Variants in RGS6 observed in about 807,000 individuals in gnomAD.
RGS6 encodes the protein regulator of G protein signaling 6, also known as regulator of G-protein signaling 6.
RGS6 carries 30 observed loss-of-function variants against 78.5 expected under a neutral mutation model. The ratio of observed to expected loss-of-function variants is 0.38; its 90% confidence interval spans 0.29 to 0.52. The LOEUF (loss-of-function observed/expected upper bound fraction) is 0.52. RGS6 is among the 20% of genes least tolerant of loss of function. The pLI, the probability that RGS6 is intolerant of heterozygous loss-of-function variation, is 0.85. For synonymous variants in RGS6, 206 were observed against 206.0 expected, an observed-to-expected ratio of 1.00 and a Z score of 0.00; for missense variants, 495 against 609.7, an observed-to-expected ratio of 0.81 and a Z score of 1.98.
chr14:72,559,316 A>C (rs191844052), intron 17 of RGS6, among the ~76,000 whole-genome samples: 1 of 152,338 alleles, frequency 6.6e-6, no homozygotes, highest in Non-Finnish European at 1.5e-5. Context: ...GATCACTGAA[A>C]ACTACAGGAG....
chr14:71,874,674 A>T, the RGS6 span, among the ~76,000 whole-genome samples: 1 of 152,150 alleles, frequency 6.6e-6, no homozygotes. Context: ...AACTTCCAAC[A>T]CTATGTTGAA....
chr14:72,244,755 T>C (rs1285274665), intron 2 of RGS6, among the ~76,000 whole-genome samples: 3 of 152,182 alleles, frequency 2.0e-5, no homozygotes, highest in South Asian at 2.1e-4. Context: ...ATGTATGCCA[T>C]TGGCCCCAGG....
At chr14:71,973,173 T>C (rs1378749259) in intron 2 of RGS6, among the ~76,000 whole-genome samples, 1 of 152,226 alleles carries the variant, frequency 6.6e-6, no homozygotes, top group African/African-American at 2.4e-5. Context: ...TTTTTTTAGA[T>C]CTAACATTCT....
intron 3 of RGS6, among the ~76,000 whole-genome samples, chr14:72,353,971 G>A (rs555078197): frequency 7.1e-6 from 1 of 139,932 alleles, no homozygotes; most frequent in East Asian, 2.0e-4. Flanking sequence ...GTAACAGAGC[G>A]AGACTCTGTC....
chr14:72,242,806 TTGATACAGTATTTTTCCAAC>T (rs2153827444), intron 2 of RGS6, among the ~76,000 whole-genome samples: 1 of 151,790 alleles, frequency 6.6e-6, no homozygotes, highest in East Asian at 1.9e-4. Context: ...AACATATCTC[TTGATACAGTATTTTTCCAAC>T]TTCATTTCTT....
In RGS6 at chr14:72,563,107, C is replaced by G. The variant is rs1253879030; in HGVS notation, c.*640C>G. On this transcript the variant is annotated 3_prime_UTR_variant, in exon 18 of 18. Transcript: ENST00000553525. ...AAGGTCTTTCCACCCTCTTTGAGAT[C>G]AGCGTTCGGAGAGGTCCCCGCCAGC... is the stretch of plus-strand genomic sequence containing the variant. 1.1e-5 allele frequency: 4 copies of G among 348,110 alleles called. No homozygotes were observed. Among genetic ancestry groups the G allele is most frequent in the Non-Finnish European group, 2.2e-5 (4 of 181,846 alleles). 21.6% of individuals were successfully genotyped at this position (348,110 alleles called of 1,614,324 possible).
chr14:72,007,480 C>T (rs920804018), intron 2 of RGS6, among the ~76,000 whole-genome samples: 4 of 152,156 alleles, frequency 2.6e-5, no homozygotes, highest in East Asian at 1.9e-4. Flanking sequence ...ACCCTTGGCC[C>T]GCCGGCTGCG....
At chr14:72,064,958 A>G (rs1245432459) in intron 2 of RGS6, among the ~76,000 whole-genome samples, 1 of 152,238 alleles carries the variant, frequency 6.6e-6, no homozygotes, top group Admixed American at 6.5e-5. Context: ...GAATCTTGTC[A>G]TTATATTTTG....
intron 2 of RGS6, among the ~76,000 whole-genome samples, chr14:72,315,988 C>T (rs2070073259): frequency 6.6e-6 from 1 of 152,202 alleles, no homozygotes; most frequent in Admixed American, 6.5e-5. Flanking sequence ...AGCCCAAATA[C>T]ACAGTTCTGT....
At chr14:72,385,150 T>A (rs796845520) in intron 3 of RGS6, among the ~76,000 whole-genome samples, 1 of 152,200 alleles carries the variant, frequency 6.6e-6, no homozygotes. Flanking sequence ...GTTTATAGGA[T>A]AATTTTCCAT....
At chr14:72,178,238 A>G (rs1004639145) in intron 2 of RGS6, among the ~76,000 whole-genome samples, 4 of 152,234 alleles carry the variant, frequency 2.6e-5, no homozygotes, top group African/African-American at 7.2e-5. Context: ...ATACTCTTCC[A>G]GACATTGCCT....
intron 2 of RGS6, among the ~76,000 whole-genome samples, chr14:72,318,773 A>G (rs1435679513): frequency 1.3e-5 from 2 of 152,196 alleles, no homozygotes; most frequent in Non-Finnish European, 2.9e-5. Context: ...GACTGGAAGT[A>G]GAAAACCTCC....
chr14:72,066,999 T>C lies in RGS6; in HGVS notation c.84+102124T>C, dbSNP rs140577890. Among the ~76,000 whole-genome samples the C allele has an allele frequency of 9.5e-3, 1,439 of 152,274 alleles. 37 individuals are homozygous for C. The East Asian group carries it at 0.11, about 12-fold the overall frequency. On this transcript the variant is annotated intron_variant, in intron 2 of 17. Coordinates refer to ENST00000553525, the MANE Select transcript of RGS6 (RefSeq NM_001204424.2). Reference sequence around the variant, plus strand: ...CTGCAAAGGACATGAACTCATTCTTTTTTATGGCTGCATAGTTTTCCATGG... The same window carrying C: ...CTGCAAAGGACATGAACTCATTCTTCTTTATGGCTGCATAGTTTTCCATGG...
intron 2 of RGS6, among the ~76,000 whole-genome samples, chr14:72,124,119 C>T (rs2096126905): frequency 6.6e-6 from 1 of 152,226 alleles, no homozygotes; most frequent in Non-Finnish European, 1.5e-5. Flanking sequence ...AGCAGAGGCA[C>T]AGAATGCTGT....
At chr14:72,529,818 C>G (rs1271810576) in intron 15 of RGS6, among the ~76,000 whole-genome samples, 1 of 152,224 alleles carries the variant, frequency 6.6e-6, no homozygotes, top group Non-Finnish European at 1.5e-5. Flanking sequence ...TGTACTTCAT[C>G]TCTGCAGCCC....
intron 2 of RGS6, among the ~76,000 whole-genome samples, chr14:72,303,822 A>G (rs1232261024): frequency 1.3e-5 from 2 of 152,162 alleles, no homozygotes; most frequent in Admixed American, 6.5e-5. Context: ...CATACTCTCC[A>G]CAGTATTCTA....
chr14:72,389,263 G>A (rs2152934398), intron 3 of RGS6, among the ~76,000 whole-genome samples: 1 of 152,180 alleles, frequency 6.6e-6, no homozygotes, highest in African/African-American at 2.4e-5. Flanking sequence ...CAACCCCTCA[G>A]GGGTGTCTGC....
At chr14:72,046,793 G>C (rs2092880028) in intron 2 of RGS6, among the ~76,000 whole-genome samples, 1 of 152,184 alleles carries the variant, frequency 6.6e-6, no homozygotes, top group Non-Finnish European at 1.5e-5. Context: ...CAGGATTCTA[G>C]GGCAAATGTC....
At chr14:72,078,697 C>A (rs34188810) in intron 2 of RGS6, among the ~76,000 whole-genome samples, 1 of 152,100 alleles carries the variant, frequency 6.6e-6, no homozygotes. Context: ...GGATTACAGG[C>A]GTGAGCCACT....
Sources: allele counts gnomAD v4.1 joint callset (sites outside exome capture counted in the v4.1 genomes callset), GRCh38; gene constraint gnomAD v4.1.1; transcripts MANE v1.5; gene names NCBI Gene and HGNC (gene_info 2026-07-23, HGNC 2026-07-21).